The following MBL2 variants were observed in gnomAD, a reference collection of about 807,000 sequenced individuals.
The protein encoded by MBL2 is mannose binding lectin 2.
MBL2 carries 6 observed loss-of-function variants against 12.7 expected under a neutral mutation model. The ratio of observed to expected loss-of-function variants is 0.47; its 90% CI spans 0.26 to 0.94. The LOEUF is 0.94. Among genes scored for constraint, MBL2 ranks in the 40% least tolerant of loss-of-function variants. The pLI is 0.15. For missense variants in MBL2, 307 were observed against 295.2 expected (o/e 1.04, Z -0.29); for synonymous variants, 114 against 112.0 (o/e 1.02, Z -0.11).
chr10:52,766,631 C>A lies in MBL2; in HGVS notation c.*1506G>T, dbSNP rs2132689434. ...ATGGGCAAAAATTTCTTAAACATGA[C>A]ACAAAAAGCACTAATTTTGAAAGAA... On this transcript the variant is annotated 3_prime_UTR_variant, in exon 5 of 5. Transcript: ENST00000674931. 1 of 151,984 alleles carries A rather than the reference C, an allele frequency of 6.6e-6. No homozygotes were observed. Among genetic ancestry groups the A allele is most frequent in the East Asian group, 1.9e-4 (1 of 5,170 alleles). The allele number at this position is 151,984 out of a possible 1,614,324, so 9.4% of individuals were successfully genotyped here.
At position 52,767,398 on chromosome 10, in the gene MBL2, T is replaced by G. The variant is rs542336319; in HGVS notation, c.*739A>C. ...AAGACATACAACATTACACACAATA[T>G]GATTCCAACTATACAATGTTTATAA... is the stretch of plus-strand genomic sequence containing the variant. On this transcript the variant is annotated 3_prime_UTR_variant, in exon 5 of 5. Coordinates refer to ENST00000674931, the MANE Select transcript of MBL2 (RefSeq NM_001378373.1). 3.3e-5 allele frequency: 5 copies of G among 152,124 alleles called. No individual in the cohort carries two copies. The highest frequency in any genetic ancestry group is 7.2e-5 in the African/African-American group (3 of 41,392). The allele number at this position is 152,124 out of a possible 1,614,324, so 9.4% of individuals were successfully genotyped here. A position where few individuals can be genotyped will look rare whatever the true frequency, so the allele number is the denominator to read the frequency against.
At chr10:52,769,061 C>A (rs537890187) in intron 4 of MBL2, among the ~76,000 whole-genome samples, 186 bp downstream of exon 4, 1 of 151,966 alleles carries the variant, frequency 6.6e-6, no homozygotes, top group Non-Finnish European at 1.5e-5. Flanking sequence ...TAGCTCTGTG[C>A]ATTTGAACAA....
chr10:52,768,978 A>C (rs562793993), intron 4 of MBL2, among the ~76,000 whole-genome samples: 1 of 152,048 alleles, frequency 6.6e-6, no homozygotes, highest in Non-Finnish European at 1.5e-5. Flanking sequence ...TCAGTGAGCA[A>C]TATCAGACGG....
At position 52,767,653 on chromosome 10, in the gene MBL2, T is replaced by C. The variant is rs1261304744; in HGVS notation, c.*484A>G. 6.6e-6 allele frequency: 1 copy of C among 152,050 alleles called. No individual in the cohort carries two copies. Among genetic ancestry groups the C allele is most frequent in the East Asian group, 1.9e-4 (1 of 5,194 alleles). The allele number at this position is 152,050 out of a possible 1,614,324, so 9.4% of individuals were successfully genotyped here. A position where few individuals can be genotyped will look rare whatever the true frequency, so the allele number is the denominator to read the frequency against. On this transcript the variant is annotated 3_prime_UTR_variant, in exon 5 of 5. Transcript: ENST00000674931. ...ATATCTCATTAGAAAGAAAACAGAG[T>C]TCATAGAGAAAGTTACAAAATAGAT... is the stretch of plus-strand genomic sequence containing the variant.
chr10:52,772,670 C>T, intron 1 of MBL2, 67 bp downstream of exon 1: 3 of 945,554 alleles, frequency 3.2e-6, no homozygotes, highest in Non-Finnish European at 3.8e-6. Context: ...TCCATGCCTC[C>T]AGGGTCATGT....
chr10:52,765,878 A>T lies in MBL2; in HGVS notation c.*2259T>A, dbSNP rs1337127562. ...ACTATGCATATACAAAATCCAGAGG[A>T]ATCTACAAATTACTAGATTTAAGAA... On this transcript the variant is annotated 3_prime_UTR_variant, in exon 5 of 5. Coordinates refer to ENST00000674931, the MANE Select transcript of MBL2 (RefSeq NM_001378373.1). 6.6e-6 allele frequency: 1 copy of T among 152,194 alleles called. No individual in the cohort carries two copies. The highest frequency in any genetic ancestry group is 1.5e-5 in the Non-Finnish European group (1 of 68,030). 9.4% of individuals were successfully genotyped at this position (152,194 alleles called of 1,614,324 possible).
chr10:52,770,765 T>A lies in MBL2; in HGVS notation c.209A>T (p.Gln70Leu). 1 of 1,500,558 alleles carries A rather than the reference T, an allele frequency of 6.7e-7. No individual in the cohort carries two copies. 93.0% of individuals were successfully genotyped at this position (1,500,558 alleles called of 1,614,324 possible). ...AGGCCCCAACTTTCCAGGGGGGCCC[T>A]GTAAGCCTCTGAGCCCTTGGCCTGT... ...GEPGQGLRGL[Q>L]GPPGKLGPPG... is the part of the protein sequence containing the mutation. Residue 70 changes from glutamine to leucine, a missense_variant, in exon 3 of 5, where the codon CAG becomes CTG. Coordinates refer to ENST00000674931, the MANE Select transcript of MBL2 (RefSeq NM_001378373.1).
In MBL2 at chr10:52,772,753, C is replaced by T. The variant is rs1840413261; in HGVS notation, c.-26G>A. 3 of 985,224 alleles carry T rather than the reference C, an allele frequency of 3.0e-6. No individual in the cohort carries two copies. The allele number at this position is 985,224 out of a possible 1,614,324, so 61.0% of individuals were successfully genotyped here. Reference sequence around the variant, plus strand: ...ATGACTTACTGGTGTTTCTGCAGAGCAGGGACTCAGTGACAAGGACGCTGG... The same window carrying T: ...ATGACTTACTGGTGTTTCTGCAGAGTAGGGACTCAGTGACAAGGACGCTGG... On this transcript the variant is annotated 5_prime_UTR_variant, in exon 1 of 5. Coordinates refer to ENST00000674931, the MANE Select transcript of MBL2 (RefSeq NM_001378373.1).
In MBL2 at chr10:52,767,969, C is replaced by T; in HGVS notation, c.*168G>A. 1.5e-6 allele frequency: 1 copy of T among 676,192 alleles called. No homozygotes were observed. Among genetic ancestry groups the T allele is most frequent in the Non-Finnish European group, 2.4e-6 (1 of 420,220 alleles). 41.9% of individuals were successfully genotyped at this position (676,192 alleles called of 1,614,324 possible). A position where few individuals can be genotyped will look rare whatever the true frequency, so the allele number is the denominator to read the frequency against. On this transcript the variant is annotated 3_prime_UTR_variant, in exon 5 of 5. Transcript: ENST00000674931. The stretch of plus-strand genomic sequence containing the variant: ...CTACTACTGCTGCTGCTAACTACTA[C>T]TACTACTATTATTGCTTTGTTGGTG...
chr10:52,770,573 T>G, intron 3 of MBL2, 97 bp downstream of exon 3: 1 of 726,866 alleles, frequency 1.4e-6, no homozygotes, highest in Non-Finnish European at 2.1e-6. Context: ...TTTGGGTATC[T>G]TCCTTTGAAG....
intron 3 of MBL2, 138 bp from the exon 4 acceptor site, chr10:52,769,453 TA>T: frequency 1.8e-6 from 1 of 559,364 alleles, no homozygotes; most frequent in Non-Finnish European, 3.2e-6. Context: ...TGAAGGAAAA[TA>T]AAAAATACTG....
rs1840315768 is a variant in MBL2 at position 52,767,075 on chromosome 10, C to A, written c.*1062G>T. 6.6e-6 allele frequency: 1 copy of A among 151,976 alleles called. No homozygotes were observed. The highest frequency in any genetic ancestry group is 2.4e-5 in the African/African-American group (1 of 41,270). The allele number at this position is 151,976 out of a possible 1,614,324, so 9.4% of individuals were successfully genotyped here. A position where few individuals can be genotyped will look rare whatever the true frequency, so the allele number is the denominator to read the frequency against. The stretch of plus-strand genomic sequence containing the variant: ...GTAGGAGCATAAATTCATACAATCA[C>A]TTAGGAAAACTGGTAATATCTACTA... On this transcript the variant is annotated 3_prime_UTR_variant, in exon 5 of 5. Coordinates refer to ENST00000674931, the MANE Select transcript of MBL2 (RefSeq NM_001378373.1).
In MBL2 at chr10:52,769,318, A is replaced by C; in HGVS notation, c.305-3T>G. ...GGCAGCCAGGCTACTATCACCATCT[A>C]GAAAATTAGAACAAAGTAAAGAAGC... On this transcript the variant is annotated splice_polypyrimidine_tract_variant and splice_region_variant and intron_variant, in intron 3 of 4. Coordinates refer to ENST00000674931, the MANE Select transcript of MBL2 (RefSeq NM_001378373.1). 6.2e-7 allele frequency: 1 copy of C among 1,601,998 alleles called. No homozygotes were observed. Among genetic ancestry groups the C allele is most frequent in the Non-Finnish European group, 8.5e-7 (1 of 1,170,700 alleles).
At position 52,768,498 on chromosome 10, in the gene MBL2, GAGA is replaced by G; in HGVS notation, c.383_385del (p.Phe128del). On this transcript the variant is annotated inframe_deletion, in exon 5 of 5. Transcript: ENST00000674931. ...CTTGTTCCCAACTTGTTTGCCCAGA[GAGA>G]AGGTGAGCCCTAAAATGTGAAAAAG... The G allele has an allele frequency of 6.4e-7, 1 of 1,569,988 alleles. No individual in the cohort carries two copies. Among genetic ancestry groups the G allele is most frequent in the Non-Finnish European group, 8.6e-7 (1 of 1,159,966 alleles).
chr10:52,770,571 T>A, intron 3 of MBL2, 99 bp downstream of exon 3: 1 of 698,512 alleles, frequency 1.4e-6, no homozygotes, highest in Non-Finnish European at 2.2e-6. Flanking sequence ...AATTTGGGTA[T>A]CTTCCTTTGA....
rs543238249 is a variant in MBL2, at chr10:52,766,110, A to T, written c.*2027T>A. The T allele has an allele frequency of 6.6e-6, 1 of 152,332 alleles. No homozygotes were observed. Among genetic ancestry groups the T allele is most frequent in the South Asian group, 2.1e-4 (1 of 4,832 alleles). The allele number at this position is 152,332 out of a possible 1,614,324, so 9.4% of individuals were successfully genotyped here. On this transcript the variant is annotated 3_prime_UTR_variant, in exon 5 of 5. Coordinates refer to ENST00000674931, the MANE Select transcript of MBL2 (RefSeq NM_001378373.1). ...AAATTCTAGTTACATGAAGCGATAC[A>T]TGATGAACATTGATTAGAGATTCAG... is the stretch of plus-strand genomic sequence containing the variant.
At chr10:52,771,800 G>T in intron 1 of MBL2, 156 bp from the exon 2 acceptor site, 1 of 959,436 alleles carries the variant, frequency 1.0e-6, no homozygotes, top group Non-Finnish European at 1.5e-6. Context: ...AACATTCCTT[G>T]TGACACTGCG....
intron 4 of MBL2, 103 bp from the exon 5 acceptor site, chr10:52,768,613 G>C (rs1408868336): frequency 4.1e-6 from 3 of 738,650 alleles, no homozygotes; most frequent in Non-Finnish European, 6.4e-6. Flanking sequence ...ATAAAATATA[G>C]TATGTCCAGT....
At chr10:52,771,988 A>G (rs995417238) in intron 1 of MBL2, among the ~76,000 whole-genome samples, 1 of 151,752 alleles carries the variant, frequency 6.6e-6, no homozygotes, top group African/African-American at 2.4e-5. Context: ...AGCTTAGGGA[A>G]TGAGAATGAG....
Sources: gnomAD v4.1 joint callset for allele counts (sites outside exome capture counted in the v4.1 genomes callset) on GRCh38, gnomAD v4.1.1 for gene constraint, MANE v1.5 for transcripts, NCBI Gene and HGNC (gene_info 2026-07-23, HGNC 2026-07-21) for gene names.